CPPED1: variants seen among roughly 807,000 people sequenced by gnomAD.
CPPED1 encodes the protein calcineurin like phosphoesterase domain containing 1, also known as serine/threonine-protein phosphatase CPPED1.
CPPED1 carries 28 observed loss-of-function variants against 28.0 expected under a neutral mutation model. The observed-to-expected ratio is 1.00, with a 90% confidence interval of 0.74 to 1.37. The LOEUF (loss-of-function observed/expected upper bound fraction) is 1.37, where lower values mean the gene tolerates loss of function less well. Among genes scored for constraint, CPPED1 ranks in the 40% most tolerant of loss-of-function variants. The pLI is 0.00. For missense variants in CPPED1, 504 were observed against 416.5 expected (o/e 1.21, Z -1.83); for synonymous variants, 198 against 180.2 (o/e 1.10, Z -0.79).
At chr16:12,701,893 C>T (rs538082680) in intron 3 of CPPED1, among the ~76,000 whole-genome samples, 3 of 152,274 alleles carry the variant, frequency 2.0e-5, no homozygotes, top group South Asian at 2.1e-4. Context: ...GATTCCAGCG[C>T]CTGATGTCAC....
intron 2 of CPPED1, among the ~76,000 whole-genome samples, chr16:12,734,671 T>C (rs1297542607): frequency 6.6e-6 from 1 of 152,100 alleles, no homozygotes; most frequent in African/African-American, 2.4e-5. Flanking sequence ...AACTAGCAAA[T>C]AATTTTCCTC....
chr16:12,685,777 C>T (rs764669239), intron 3 of CPPED1, among the ~76,000 whole-genome samples: 5 of 152,314 alleles, frequency 3.3e-5, no homozygotes, highest in East Asian at 3.9e-4. Context: ...TCTCCTACCA[C>T]GGCCACCCAG....
At chr16:12,764,062 C>T (rs1384455427) in intron 2 of CPPED1, among the ~76,000 whole-genome samples, 1 of 149,494 alleles carries the variant, frequency 6.7e-6, no homozygotes, top group African/African-American at 2.5e-5. Flanking sequence ...AAAAGCTACA[C>T]ATGCAAGTGT....
intron 1 of CPPED1, among the ~76,000 whole-genome samples, chr16:12,794,333 G>A (rs1023112338): frequency 6.6e-6 from 1 of 151,852 alleles, no homozygotes; most frequent in Admixed American, 6.6e-5. Context: ...TTACACTGTT[G>A]AATCAGAAAG....
intron 2 of CPPED1, among the ~76,000 whole-genome samples, chr16:12,713,068 AAG>A (rs1313896298): frequency 6.6e-6 from 1 of 152,004 alleles, no homozygotes; most frequent in Non-Finnish European, 1.5e-5. Context: ...AAATGGGGAA[AAG>A]AGAGTACCAG....
intron 2 of CPPED1, among the ~76,000 whole-genome samples, chr16:12,773,135 C>A (rs1001624418): frequency 6.6e-6 from 1 of 152,122 alleles, no homozygotes; most frequent in Non-Finnish European, 1.5e-5. Context: ...CGAAAGAAGC[C>A]ATTGTAGCTC....
chr16:12,748,164 A>T (rs1567294640), intron 2 of CPPED1, among the ~76,000 whole-genome samples: 1 of 152,208 alleles, frequency 6.6e-6, no homozygotes, highest in Non-Finnish European at 1.5e-5. Flanking sequence ...GAGAAAGCTC[A>T]CTCATAGTGG....
intron 2 of CPPED1, among the ~76,000 whole-genome samples, chr16:12,743,069 C>A (rs902995826): frequency 1.3e-5 from 2 of 152,140 alleles, no homozygotes; most frequent in Non-Finnish European, 2.9e-5. Context: ...CCAACATATA[C>A]CCAAATTCCA....
chr16:12,680,943 C>A (rs2079901500), intron 3 of CPPED1, among the ~76,000 whole-genome samples: 1 of 152,106 alleles, frequency 6.6e-6, no homozygotes, highest in Non-Finnish European at 1.5e-5. Context: ...TGATATAAAG[C>A]ATCTGGTTTA....
intron 1 of CPPED1, 75 bp downstream of exon 1, chr16:12,803,631 AC>A: frequency 7.9e-7 from 1 of 1,269,072 alleles, no homozygotes; most frequent in Non-Finnish European, 1.0e-6. Flanking sequence ...CGGAGCGCAC[AC>A]CTGAACAAAA....
chr16:12,677,301 CT>C (rs1265273916), intron 3 of CPPED1, among the ~76,000 whole-genome samples: 2 of 152,190 alleles, frequency 1.3e-5, no homozygotes, highest in Non-Finnish European at 2.9e-5. Flanking sequence ...GGCCAGAGGG[CT>C]GCATGGGGCT....
At position 12,697,975 on chromosome 16, in the gene CPPED1, T is replaced by C. The variant is rs528021778; in HGVS notation, c.715+6649A>G. Reference sequence around the variant, plus strand: ...AAATACAAAAATTAGCCAGATGTGGTGGCGTGTGCCTGTAATCCCAGCTAC... The same window carrying C: ...AAATACAAAAATTAGCCAGATGTGGCGGCGTGTGCCTGTAATCCCAGCTAC... On this transcript the variant is annotated intron_variant, in intron 3 of 3. Transcript: ENST00000381774. Among the ~76,000 whole-genome samples, 3 of 152,216 alleles carry C rather than the reference T, an allele frequency of 2.0e-5. No individual in the cohort carries two copies. In the South Asian group the frequency reaches 6.3e-4, roughly 32 times the overall value.
chr16:12,781,868 T>G (rs2080533755), intron 1 of CPPED1, among the ~76,000 whole-genome samples: 2 of 152,120 alleles, frequency 1.3e-5, no homozygotes, highest in Admixed American at 6.6e-5. Context: ...TCGGGGGATG[T>G]GACAGAATTT....
intron 2 of CPPED1, among the ~76,000 whole-genome samples, chr16:12,724,770 G>A (rs1359342709): frequency 6.6e-6 from 1 of 152,166 alleles, no homozygotes; most frequent in Non-Finnish European, 1.5e-5. Context: ...CTCATTACCA[G>A]CTCTGAAATG....
intron 2 of CPPED1, among the ~76,000 whole-genome samples, chr16:12,751,226 C>T (rs1389545621): frequency 6.6e-6 from 1 of 152,148 alleles, no homozygotes; most frequent in African/African-American, 2.4e-5. Context: ...GGCTACCTTC[C>T]TATCTAATAA....
intron 3 of CPPED1, among the ~76,000 whole-genome samples, chr16:12,697,462 G>A (rs906388176): frequency 1.2e-4 from 18 of 152,084 alleles, no homozygotes; most frequent in Admixed American, 1.0e-3. Flanking sequence ...GGCTTGTTCT[G>A]GGCAGACCTT....
chr16:12,724,873 G>C (rs2080161521), intron 2 of CPPED1, among the ~76,000 whole-genome samples: 2 of 151,890 alleles, frequency 1.3e-5, no homozygotes, highest in African/African-American at 4.8e-5. Context: ...CGCAAGCTCA[G>C]CCTCTCGGGT....
intron 1 of CPPED1, among the ~76,000 whole-genome samples, chr16:12,797,298 C>T (rs2080633165): frequency 6.6e-6 from 1 of 152,098 alleles, no homozygotes; most frequent in South Asian, 2.1e-4. Context: ...TGCCTGTAAT[C>T]CCAGCACTTT....
At chr16:12,775,208 A>G (rs1459346250) in intron 2 of CPPED1, among the ~76,000 whole-genome samples, 1 of 152,160 alleles carries the variant, frequency 6.6e-6, no homozygotes, top group Non-Finnish European at 1.5e-5. Flanking sequence ...GAGTCTGCAG[A>G]GAGAGTCCCC....
Sources: allele counts gnomAD v4.1 joint callset (sites outside exome capture counted in the v4.1 genomes callset), GRCh38; gene constraint gnomAD v4.1.1; transcripts MANE v1.5; gene names NCBI Gene and HGNC (gene_info 2026-07-23, HGNC 2026-07-21).